Variants in DIO2 observed in about 807,000 individuals in gnomAD.
DIO2 encodes the protein iodothyronine deiodinase 2.
DIO2 carries 19 observed loss-of-function variants against 21.4 expected under a neutral mutation model. That is an observed-to-expected ratio of 0.89 (90% CI 0.62 to 1.30). DIO2 has a LOEUF of 1.30. Ranked by LOEUF, DIO2 falls within the 50% of genes most tolerant of loss-of-function variation. The pLI, the probability that DIO2 is intolerant of heterozygous loss-of-function variation, is 0.00. For missense variants in DIO2, 302 were observed against 338.1 expected, an observed-to-expected ratio of 0.89 and a Z score of 0.84; for synonymous variants, 122 against 132.9, an observed-to-expected ratio of 0.92 and a Z score of 0.57.
intron 2 of DIO2, among the ~76,000 whole-genome samples, chr14:80,222,344 A>C (rs1248920431): frequency 6.6e-6 from 1 of 152,246 alleles, no homozygotes; most frequent in Non-Finnish European, 1.5e-5. Flanking sequence ...AATAAAAATG[A>C]GTAAGAACAT....
At position 80,202,667 on chromosome 14, in the gene DIO2, A is replaced by C; in HGVS notation, c.*22T>G. On this transcript the variant is annotated 3_prime_UTR_variant, in exon 2 of 2. Coordinates refer to ENST00000438257, the MANE Select transcript of DIO2 (RefSeq NM_013989.5). ...CCTTTATATAACTTTTTAAAACAATAAGCTCTCTTATAATCATACCTTTAA... is the reference window on the plus strand; with the variant it reads ...CCTTTATATAACTTTTTAAAACAATCAGCTCTCTTATAATCATACCTTTAA... 6.3e-7 allele frequency: 1 copy of C among 1,574,962 alleles called. No individual in the cohort carries two copies. The highest frequency in any genetic ancestry group is 8.6e-7 in the Non-Finnish European group (1 of 1,160,536).
intron 2 of DIO2, among the ~76,000 whole-genome samples, chr14:80,220,782 A>G (rs1218544058): frequency 6.6e-6 from 1 of 152,164 alleles, no homozygotes; most frequent in East Asian, 1.9e-4. Flanking sequence ...CTGTCCTCTC[A>G]TGACAAGTCA....
In DIO2 at chr14:80,205,191, T is replaced by C. The variant is rs1039000635; in HGVS notation, c.223-1903A>G. ...AACCTTTTAAGCCGTGAGTTCTTTT[T>C]GTACTTCTTTTTTTTTTATAGATCT... On this transcript the variant is annotated intron_variant, in intron 1 of 1. Coordinates refer to ENST00000438257, the MANE Select transcript of DIO2 (RefSeq NM_013989.5). Among the ~76,000 whole-genome samples, 10 of 152,280 alleles carry C rather than the reference T, an allele frequency of 6.6e-5. No individual in the cohort carries two copies. The South Asian group carries it at 2.1e-3, about 32-fold the overall frequency.
chr14:80,214,601 G>A (rs1020492442), upstream of DIO2, among the ~76,000 whole-genome samples: 3 of 152,040 alleles, frequency 2.0e-5, no homozygotes, highest in Non-Finnish European at 2.9e-5. Context: ...CTAAATGAAC[G>A]ATAAACACAT....
At position 80,201,082 on chromosome 14, in the gene DIO2, T is replaced by A. The variant is rs1887698312; in HGVS notation, c.*1607A>T. The stretch of plus-strand genomic sequence containing the variant: ...ATACGAAAGTGGTTGGTCCATTCTT[T>A]TGGGAGCTATAATCTTTAAATATTA... On this transcript the variant is annotated 3_prime_UTR_variant, in exon 2 of 2. Coordinates refer to ENST00000438257, the MANE Select transcript of DIO2 (RefSeq NM_013989.5). 6.6e-6 allele frequency: 1 copy of A among 151,914 alleles called. No homozygotes were observed. The highest frequency in any genetic ancestry group is 1.5e-5 in the Non-Finnish European group (1 of 67,960). 9.4% of individuals were successfully genotyped at this position (151,914 alleles called of 1,614,324 possible).
At chr14:80,216,809 A>G (rs1331937537) in intron 2 of DIO2, 2 of 152,112 alleles carry the variant, frequency 1.3e-5, no homozygotes, top group Non-Finnish European at 2.9e-5. Context: ...CTGGAACAAC[A>G]TTTCCTTTAC....
intron 2 of DIO2, among the ~76,000 whole-genome samples, chr14:80,221,238 A>G (rs1216276045): frequency 3.3e-5 from 5 of 152,144 alleles, no homozygotes; most frequent in Non-Finnish European, 7.3e-5. Flanking sequence ...CATCATATAA[A>G]TTACCTAGCT....
At position 80,198,486 on chromosome 14, in the gene DIO2, G is replaced by A. The variant is rs990400122; in HGVS notation, c.*4203C>T. 24 of 152,528 alleles carry A rather than the reference G, an allele frequency of 1.6e-4. No homozygotes were observed. The highest frequency in any genetic ancestry group is 4.8e-4 in the African/African-American group (20 of 41,410). 9.4% of individuals were successfully genotyped at this position (152,528 alleles called of 1,614,324 possible). A position where few individuals can be genotyped will look rare whatever the true frequency, so the allele number is the denominator to read the frequency against. Reference sequence around the variant, plus strand: ...CAGCCTTCAGCCTTCCTTCAGTTGCGAGAAGTTTGTTTTCAAATCTTCCCA... The same window carrying A: ...CAGCCTTCAGCCTTCCTTCAGTTGCAAGAAGTTTGTTTTCAAATCTTCCCA... On this transcript the variant is annotated 3_prime_UTR_variant, in exon 2 of 2. Coordinates refer to ENST00000438257, the MANE Select transcript of DIO2 (RefSeq NM_013989.5).
At chr14:80,210,058 T>C (rs1374638371) in intron 1 of DIO2, among the ~76,000 whole-genome samples, 1 of 152,232 alleles carries the variant, frequency 6.6e-6, no homozygotes, top group Admixed American at 6.5e-5. Context: ...ACTGAACACC[T>C]GGCTTCTATA....
upstream of DIO2, among the ~76,000 whole-genome samples, chr14:80,212,356 T>C (rs1888241751): frequency 6.6e-6 from 1 of 151,386 alleles, no homozygotes; most frequent in Non-Finnish European, 1.5e-5. Flanking sequence ...TTAGAAGGGG[T>C]TGGGGAGAGA....
chr14:80,224,243 T>C lies in DIO2; in HGVS notation c.-277-7506A>G, dbSNP rs552092378. ...CAATCTTTGAATTACAGAATTCTTA[T>C]GCTGGAAGTACCATGAAGCAATCAA... is the stretch of plus-strand genomic sequence containing the variant. On this transcript the variant is annotated intron_variant, in intron 2 of 4. Transcript: ENST00000553594. Among the ~76,000 whole-genome samples, 192 of 152,304 alleles carry C rather than the reference T, an allele frequency of 1.3e-3. 1 individual carries two copies. Among genetic ancestry groups the C allele is most frequent in the Non-Finnish European group, 2.3e-3 (158 of 68,024 alleles).
chr14:80,218,357 T>C (rs1014524764), intron 2 of DIO2, among the ~76,000 whole-genome samples: 5 of 152,156 alleles, frequency 3.3e-5, no homozygotes, highest in African/African-American at 1.2e-4. Flanking sequence ...AAATTATCTG[T>C]AACCAGGAAC....
chr14:80,222,860 C>CTTT lies in DIO2; in HGVS notation c.-277-6126_-277-6124dup, dbSNP rs200049777. 1.6e-3 allele frequency among the ~76,000 whole-genome samples: 228 copies of CTTT among 138,814 alleles called. 1 individual carries two copies. Among genetic ancestry groups the CTTT allele is most frequent in the Non-Finnish European group, 2.2e-3 (143 of 63,670 alleles). 91.1% of individuals were successfully genotyped at this position (138,814 alleles called of 152,430 possible). On this transcript the variant is annotated intron_variant, in intron 2 of 4. Transcript: ENST00000553594. ...AAATGGAAGTATTATTTCTTTGTTT[C>CTTT]TTTTTTTTTTTTTTTGAGACAGGGT...
At chr14:80,211,592 G>GGGGGGTGGGGGC, upstream of DIO2, 1 of 162,280 alleles carries the variant, frequency 6.2e-6, no homozygotes, top group Non-Finnish European at 1.2e-5. Flanking sequence ...GGGGTTGGGG[G>GGGGGGTGGGGGC]AGAAGGGGAA....
upstream of DIO2, among the ~76,000 whole-genome samples, chr14:80,213,420 A>G (rs1888273868): frequency 6.6e-6 from 1 of 152,214 alleles, no homozygotes; most frequent in South Asian, 2.1e-4. Context: ...AACCTTCATG[A>G]TCACAGAAAT....
intron 2 of DIO2, among the ~76,000 whole-genome samples, chr14:80,217,216 G>A (rs1217893276): frequency 1.3e-5 from 2 of 152,258 alleles, no homozygotes; most frequent in Non-Finnish European, 2.9e-5. Context: ...CAATGAGGAT[G>A]ATTGTATAAT....
intron 2 of DIO2, among the ~76,000 whole-genome samples, chr14:80,230,237 C>A (rs1156924368): frequency 6.6e-6 from 1 of 152,172 alleles, no homozygotes; most frequent in Non-Finnish European, 1.5e-5. Context: ...GGTCCTCCAA[C>A]ACATCCCCAT....
intron 1 of DIO2, among the ~76,000 whole-genome samples, chr14:80,205,055 A>G (rs991741219): frequency 3.3e-5 from 5 of 152,210 alleles, no homozygotes; most frequent in African/African-American, 1.2e-4. Flanking sequence ...AAATGACACT[A>G]GATGGAGAAA....
At chr14:80,225,195 T>C (rs1215892689) in intron 2 of DIO2, among the ~76,000 whole-genome samples, 2 of 152,138 alleles carry the variant, frequency 1.3e-5, no homozygotes, top group East Asian at 1.9e-4. Flanking sequence ...CCAGGAACAA[T>C]ACTTTGCATC....
Sources: gnomAD v4.1 joint callset for allele counts (sites outside exome capture counted in the v4.1 genomes callset) on GRCh38, gnomAD v4.1.1 for gene constraint, MANE v1.5 for transcripts, NCBI Gene and HGNC (gene_info 2026-07-23, HGNC 2026-07-21) for gene names.